Variants in SRPK2 observed in about 807,000 individuals in gnomAD.
The protein encoded by SRPK2 is SRSF protein kinase 2.
SRPK2 carries 21 observed loss-of-function variants against 90.8 expected under a neutral mutation model. That is an observed-to-expected ratio of 0.23 (90% CI 0.16 to 0.33). The LOEUF (loss-of-function observed/expected upper bound fraction) is 0.33. Among genes scored for constraint, SRPK2 ranks in the 10% least tolerant of loss-of-function variants. The pLI, the probability that SRPK2 is intolerant of heterozygous loss-of-function variation, is 1.00. For missense variants in SRPK2, 620 were observed against 869.0 expected (o/e 0.71, Z 3.60); for synonymous variants, 288 against 311.1 (o/e 0.93, Z 0.78).
intron 3 of SRPK2, among the ~76,000 whole-genome samples, chr7:105,172,054 T>C (rs1791225696): frequency 6.6e-6 from 1 of 152,092 alleles, no homozygotes. Flanking sequence ...CCACCACACC[T>C]GGCTAATTTT....
At chr7:105,124,401 G>T (rs1446490995) in intron 15 of SRPK2, among the ~76,000 whole-genome samples, 2 of 152,046 alleles carry the variant, frequency 1.3e-5, no homozygotes, top group Non-Finnish European at 2.9e-5. Flanking sequence ...CAGCAATTGG[G>T]AGGCCGAGGT....
intron 13 of SRPK2, among the ~76,000 whole-genome samples, chr7:105,129,957 A>C (rs1344573270): frequency 6.6e-6 from 1 of 152,164 alleles, no homozygotes; most frequent in African/African-American, 2.4e-5. Context: ...CTCACCATGG[A>C]GTTCATAAAA....
chr7:105,172,760 C>T, intron 3 of SRPK2, among the ~76,000 whole-genome samples: 1 of 152,164 alleles, frequency 6.6e-6, no homozygotes, highest in South Asian at 2.1e-4. Flanking sequence ...AGGACTGCTT[C>T]CTGGTCTTAG....
Position 105,311,085 on chromosome 7 carries a change from C to T in SRPK2, c.71+77563G>A, listed in dbSNP as rs77033956. Among the ~76,000 whole-genome samples the T allele has an allele frequency of 9.1e-4, 139 of 151,932 alleles. 2 individuals carry two copies. In the East Asian group the frequency reaches 0.025, roughly 27 times the overall value. On this transcript the variant is annotated intron_variant, in intron 2 of 15. Transcript: ENST00000393651. Reference sequence around the variant, plus strand: ...AAGAGCTGTTTTGGGCATCAAAGGACATTACCAAAAAAGTGAAAAGGCAAC... The same window carrying T: ...AAGAGCTGTTTTGGGCATCAAAGGATATTACCAAAAAAGTGAAAAGGCAAC...
intron 2 of SRPK2, among the ~76,000 whole-genome samples, chr7:105,342,685 C>A (rs555907760): frequency 6.6e-6 from 1 of 152,112 alleles, no homozygotes; most frequent in African/African-American, 2.4e-5. Context: ...TCCATGCCCC[C>A]GTATATACGC....
intron 3 of SRPK2, among the ~76,000 whole-genome samples, chr7:105,183,444 T>C (rs140701013): frequency 6.6e-6 from 1 of 152,148 alleles, no homozygotes; most frequent in Non-Finnish European, 1.5e-5. Flanking sequence ...GGTTAACATA[T>C]CAGATCGTAA....
chr7:105,118,002 T>C lies in SRPK2; in HGVS notation c.1936A>G (p.Lys646Glu). 6.2e-7 allele frequency: 1 copy of C among 1,614,120 alleles called. No homozygotes were observed. Among genetic ancestry groups the C allele is most frequent in the Non-Finnish European group, 8.5e-7 (1 of 1,179,992 alleles). The change falls in exon 16 of 16, where the codon AAG (lysine) becomes GAG (glutamate). Residue 646 changes from lysine (K) to glutamate (E), a missense_variant. Physicochemically the swap from Lys to Glu is moderately conservative, Grantham distance 56. Around this residue, in one of 8 missense-constraint regions of SRPK2, gnomAD observed 71 missense variants for 123.1 expected, o/e 0.58. Transcript: ENST00000393651. ...NRRGELRHIT[K>E]LKPWSLFDVL... ...TCAAAGAGGCTCCAGGGCTTCAGCT[T>C]GGTGATGTGTCGCAGTTCTCCTACA...
chr7:105,329,016 T>TA (rs1282784803), intron 2 of SRPK2, among the ~76,000 whole-genome samples: 2 of 152,032 alleles, frequency 1.3e-5, no homozygotes, highest in Non-Finnish European at 2.9e-5. Flanking sequence ...CCCCATCCCT[T>TA]AAAAAATAAA....
rs1219938865 is a variant in SRPK2 at position 105,230,005 on chromosome 7, T to C, written c.72-26220A>G. ...GACTGAACTGGATCTGACATATAGG[T>C]AGATTTTAGCCAGCAGTGGGGAAGA... On this transcript the variant is annotated intron_variant, in intron 2 of 15. Coordinates refer to ENST00000393651, the MANE Select transcript of SRPK2 (RefSeq NM_182692.3). Among the ~76,000 whole-genome samples the C allele has an allele frequency of 2.0e-5, 3 of 152,134 alleles. No homozygotes were observed. In the East Asian group the frequency reaches 5.8e-4, roughly 29 times the overall value.
intron 2 of SRPK2, among the ~76,000 whole-genome samples, chr7:105,277,043 G>A (rs948817912): frequency 6.6e-6 from 1 of 151,686 alleles, no homozygotes; most frequent in Non-Finnish European, 1.5e-5. Context: ...CAGGATACAC[G>A]CTTATGGAGC....
chr7:105,304,258 C>T (rs988952770), intron 2 of SRPK2: 1 of 152,182 alleles, frequency 6.6e-6, no homozygotes, highest in Non-Finnish European at 1.5e-5. Context: ...AAACAATAAA[C>T]CAAAAGCTCT....
intron 7 of SRPK2, among the ~76,000 whole-genome samples, chr7:105,150,506 ACT>A (rs759495184): frequency 2.0e-5 from 3 of 152,156 alleles, no homozygotes; most frequent in Non-Finnish European, 2.9e-5. Context: ...ACAGAATAAA[ACT>A]CTGTCTAAAA....
chr7:105,396,419 C>G (rs184634850), intron 1 of SRPK2, among the ~76,000 whole-genome samples: 1 of 151,444 alleles, frequency 6.6e-6, no homozygotes, highest in Non-Finnish European at 1.5e-5. Flanking sequence ...AGGCAGATCA[C>G]GAGGTCAGGA....
intron 2 of SRPK2, among the ~76,000 whole-genome samples, chr7:105,233,133 AAGG>A (rs1187870474): frequency 1.0e-4 from 15 of 147,418 alleles, no homozygotes; most frequent in African/African-American, 3.8e-4. Flanking sequence ...GGAAGGAAGG[AAGG>A]AAGGAAGGAA....
chr7:105,312,435 G>GT (rs1033289510), intron 2 of SRPK2, among the ~76,000 whole-genome samples: 2 of 336 alleles, frequency 6.0e-3, no homozygotes, highest in African/African-American at 0.023. Flanking sequence ...GTGAGACTCC[G>GT]TCAAAAAAAA....
chr7:105,148,551 A>G (rs1805007910), intron 7 of SRPK2, among the ~76,000 whole-genome samples: 1 of 152,348 alleles, frequency 6.6e-6, no homozygotes, highest in Non-Finnish European at 1.5e-5. Flanking sequence ...TGTTAAGCAA[A>G]TATTACATCA....
At position 105,308,884 on chromosome 7, in the gene SRPK2, C is replaced by T. The variant is rs76811116; in HGVS notation, c.71+79764G>A. ...TGTAATCTTTCATCCTGGTTGGAGC[C>T]GTCATCATTTCTGGCCCCTACTAGG... On this transcript the variant is annotated intron_variant, in intron 2 of 15. Transcript: ENST00000393651. Among the ~76,000 whole-genome samples, 774 of 152,172 alleles carry T rather than the reference C, an allele frequency of 5.1e-3. 12 individuals carry two copies. The East Asian group carries it at 0.055, about 11-fold the overall frequency.
intron 2 of SRPK2, among the ~76,000 whole-genome samples, chr7:105,279,557 C>T (rs1016869605): frequency 6.6e-6 from 1 of 152,112 alleles, no homozygotes; most frequent in African/African-American, 2.4e-5. Flanking sequence ...CTCAGACCAC[C>T]CAGCCTAAAG....
intron 2 of SRPK2, among the ~76,000 whole-genome samples, chr7:105,355,104 C>T (rs951085295): frequency 1.3e-5 from 2 of 152,088 alleles, no homozygotes; most frequent in Non-Finnish European, 2.9e-5. Context: ...AATAATATTC[C>T]ATTGTAAGGA....
Sources: allele counts gnomAD v4.1 joint callset (sites outside exome capture counted in the v4.1 genomes callset), GRCh38; gene constraint gnomAD v4.1.1; regional missense constraint gnomAD v4.1.1; transcripts MANE v1.5; gene names NCBI Gene and HGNC (gene_info 2026-07-23, HGNC 2026-07-21).